The following KCNQ4 variants were observed in gnomAD, a reference collection of about 807,000 sequenced individuals.
KCNQ4 encodes potassium voltage-gated channel subfamily Q member 4, also known as potassium voltage-gated channel subfamily KQT member 4.
Under a neutral mutation model 72.6 loss-of-function variants are expected in KCNQ4, and 31 were observed. That is an observed-to-expected ratio of 0.43 (90% CI 0.32 to 0.58). The LOEUF (loss-of-function observed/expected upper bound fraction) is 0.58, where lower values mean the gene tolerates loss of function less well. Ranked by LOEUF, KCNQ4 falls within the 20% of genes least tolerant of loss-of-function variation. The pLI is 0.08. For missense variants in KCNQ4, 869 were observed against 962.6 expected (o/e 0.90, Z 1.29); for synonymous variants, 405 against 403.7 (o/e 1.00, Z -0.04).
intron 1 of KCNQ4, among the ~76,000 whole-genome samples, chr1:40,797,005 CCT>C (rs1647434849): frequency 1.3e-5 from 2 of 152,230 alleles, no homozygotes; most frequent in Non-Finnish European, 2.9e-5. Context: ...TCATTCCTTC[CCT>C]CTCTCGCCCT....
At chr1:40,790,975 G>A (rs1211269695) in intron 1 of KCNQ4, among the ~76,000 whole-genome samples, 1 of 152,134 alleles carries the variant, frequency 6.6e-6, no homozygotes, top group African/African-American at 2.4e-5. Flanking sequence ...GGGCCTCATG[G>A]TCCAACCCTG....
Position 40,817,373 on chromosome 1 carries a change from G to A in KCNQ4, c.405+18G>A, listed in dbSNP as rs867120940. 3 of 1,596,250 alleles carry A rather than the reference G, an allele frequency of 1.9e-6. No individual in the cohort carries two copies. Among genetic ancestry groups the A allele is most frequent in the Non-Finnish European group, 2.6e-6 (3 of 1,165,344 alleles). ...TCATCTTGGTAAGTGCTGGGAGTCC[G>A]GGACTGAGGGGGGCTGTGTGAGGTA... On this transcript the variant is annotated intron_variant, in intron 2 of 13. Transcript: ENST00000347132. The surrounding 1 kb of genome is among the most constrained non-coding windows in gnomAD (Gnocchi z 5.5).
chr1:40,809,327 C>A (rs959853933), intron 1 of KCNQ4, among the ~76,000 whole-genome samples: 1 of 152,182 alleles, frequency 6.6e-6, no homozygotes, highest in Non-Finnish European at 1.5e-5. Context: ...ACCACCTCTA[C>A]CCTGATGTCC....
intron 1 of KCNQ4, among the ~76,000 whole-genome samples, chr1:40,809,121 C>T (rs1647850994): frequency 1.3e-5 from 2 of 152,194 alleles, no homozygotes; most frequent in African/African-American, 4.8e-5. Flanking sequence ...GTTGTCTACT[C>T]CCGCTTTGAA....
Position 40,818,502 on chromosome 1 carries a change from C to G in KCNQ4, c.533-3C>G. ...TGTGATCTCGCCGCCCCCGCCCCTG[C>G]AGACTTCATCGTGTTCGTGGCCTCG... On this transcript the variant is annotated splice_polypyrimidine_tract_variant and splice_region_variant and intron_variant, in intron 3 of 13. Transcript: ENST00000347132. 6.2e-7 allele frequency: 1 copy of G among 1,601,022 alleles called. No homozygotes were observed. The highest frequency in any genetic ancestry group is 1.7e-4 in the Middle Eastern group (1 of 5,930).
intron 9 of KCNQ4, chr1:40,826,808 T>C: frequency 2.7e-6 from 1 of 377,284 alleles, no homozygotes; most frequent in South Asian, 1.9e-5. Flanking sequence ...CCGCCTGCCG[T>C]CTGCCTTGGG....
intron 1 of KCNQ4, among the ~76,000 whole-genome samples, chr1:40,811,638 C>T (rs1473291383): frequency 6.6e-6 from 1 of 152,194 alleles, no homozygotes; most frequent in African/African-American, 2.4e-5. Flanking sequence ...GTGGGATAGT[C>T]ATGGGATGGG....
At chr1:40,792,710 C>G (rs72661503) in intron 1 of KCNQ4, among the ~76,000 whole-genome samples, 28 of 152,202 alleles carry the variant, frequency 1.8e-4, no homozygotes, top group Middle Eastern at 3.4e-3. Context: ...TGACCCATGG[C>G]CCAGCAGAGG....
chr1:40,819,492 G>C lies in KCNQ4; in HGVS notation c.834+20G>C, dbSNP rs752757930. On this transcript the variant is annotated intron_variant, in intron 5 of 13. Coordinates refer to ENST00000347132, the MANE Select transcript of KCNQ4 (RefSeq NM_004700.4). ...GGGACGGTGCGTGAGGGTCTTTGTA[G>C]GGCTGCCCTTCTCCCTGGGATCCTC... 9.9e-6 allele frequency: 16 copies of C among 1,613,300 alleles called. No individual in the cohort carries two copies. In the Middle Eastern group the frequency reaches 5.0e-4, roughly 50 times the overall value.
At chr1:40,787,629 G>A (rs1647216093) in intron 1 of KCNQ4, among the ~76,000 whole-genome samples, 1 of 152,126 alleles carries the variant, frequency 6.6e-6, no homozygotes, top group Non-Finnish European at 1.5e-5. Context: ...CCAGAATGAG[G>A]GGCCACTGAG....
chr1:40,828,373 T>C (rs529964213), intron 9 of KCNQ4, among the ~76,000 whole-genome samples: 3 of 152,226 alleles, frequency 2.0e-5, no homozygotes, highest in Non-Finnish European at 4.4e-5. Context: ...GACTATCACA[T>C]GCATGGTAGG....
intron 1 of KCNQ4, among the ~76,000 whole-genome samples, chr1:40,810,080 A>G (rs972185233): frequency 1.2e-4 from 18 of 151,564 alleles, no homozygotes; most frequent in Admixed American, 4.6e-4. Context: ...AGAACTCTAC[A>G]ATGACTCCCC....
intron 13 of KCNQ4, 145 bp from the exon 14 acceptor site, chr1:40,838,166 C>G (rs1195148169): frequency 1.3e-6 from 1 of 765,692 alleles, no homozygotes; most frequent in Non-Finnish European, 2.2e-6. Flanking sequence ...TCTAGCCAAG[C>G]TCCACCTTTC....
At chr1:40,789,631 C>T (rs1312972381) in intron 1 of KCNQ4, among the ~76,000 whole-genome samples, 1 of 152,098 alleles carries the variant, frequency 6.6e-6, no homozygotes, top group African/African-American at 2.4e-5. Context: ...TCACTGACGG[C>T]CCACCCCACC....
chr1:40,805,995 C>A (rs1023649838), intron 1 of KCNQ4, among the ~76,000 whole-genome samples: 4 of 152,192 alleles, frequency 2.6e-5, no homozygotes, highest in Non-Finnish European at 5.9e-5. Flanking sequence ...GCGCCCACCA[C>A]CACGCCTGGC....
intron 1 of KCNQ4, among the ~76,000 whole-genome samples, chr1:40,804,045 G>C (rs550540924): frequency 2.0e-5 from 3 of 152,144 alleles, no homozygotes; most frequent in Non-Finnish European, 2.9e-5. Context: ...TCTTTCCCTT[G>C]TCTTGGACTC....
intron 7 of KCNQ4, among the ~76,000 whole-genome samples, chr1:40,822,081 T>C (rs2148322039): frequency 6.6e-6 from 1 of 152,342 alleles, no homozygotes; most frequent in East Asian, 1.9e-4. Flanking sequence ...TTAACCTCTA[T>C]GCTCTATGGC....
chr1:40,819,307 G>T, intron 4 of KCNQ4, 40 bp from the exon 5 acceptor site: 2 of 1,612,592 alleles, frequency 1.2e-6, no homozygotes, highest in Non-Finnish European at 8.5e-7. Context: ...TCCCAGGCAG[G>T]CACAGCGCTC....
At chr1:40,830,008 C>T (rs76711792) in intron 9 of KCNQ4, among the ~76,000 whole-genome samples, 9,833 of 152,242 alleles carry the variant, frequency 0.065, 355 homozygotes, top group African/African-American at 0.074. Context: ...GTTTGGGGAA[C>T]GTGGTGGGGA....
Sources: gnomAD v4.1 joint callset for allele counts (sites outside exome capture counted in the v4.1 genomes callset) on GRCh38, gnomAD v4.1.1 for gene constraint, Gnocchi (gnomAD v3.1) non-coding constraint, MANE v1.5 for transcripts, NCBI Gene and HGNC (gene_info 2026-07-23, HGNC 2026-07-21) for gene names.